The following RARB variants were observed in gnomAD, a reference collection of about 807,000 sequenced individuals.
RARB encodes retinoic acid receptor beta, also known as HBV-activated protein.
In RARB, 17 loss-of-function variants were observed where a neutral mutation model predicts 51.9. That is an observed-to-expected ratio of 0.33 (90% CI 0.22 to 0.49). The LOEUF (loss-of-function observed/expected upper bound fraction) is 0.49. Ranked by LOEUF, RARB falls within the 20% of genes least tolerant of loss-of-function variation. The probability of loss-of-function intolerance (pLI) is 0.99; values close to 1 mark genes in which losing one functional copy is unlikely to be tolerated. For synonymous variants in RARB, 215 were observed against 195.4 expected, an observed-to-expected ratio of 1.10 and a Z score of -0.84; for missense variants, 369 against 550.8, an observed-to-expected ratio of 0.67 and a Z score of 3.30.
At chr3:25,216,580 T>C (rs113855684) in intron 5 of RARB, among the ~76,000 whole-genome samples, 3,235 of 151,504 alleles carry the variant, frequency 0.021, 97 homozygotes, top group African/African-American at 0.073. Context: ...CCGGGGCCTA[T>C]TGGGGGGTGG....
At chr3:25,307,218 T>A (rs1248342790) in intron 5 of RARB, among the ~76,000 whole-genome samples, 1 of 152,010 alleles carries the variant, frequency 6.6e-6, no homozygotes. Flanking sequence ...AAACCCCGTC[T>A]CTACTAAAAA....
At chr3:25,548,805 G>A (rs1699727747) in intron 3 of RARB, among the ~76,000 whole-genome samples, 1 of 152,010 alleles carries the variant, frequency 6.6e-6, no homozygotes, top group African/African-American at 2.4e-5. Flanking sequence ...ACATTCCCAG[G>A]AGAAATACTA....
chr3:24,913,603 C>T (rs554109834), intron 2 of RARB, among the ~76,000 whole-genome samples: 1 of 152,186 alleles, frequency 6.6e-6, no homozygotes, highest in African/African-American at 2.4e-5. Flanking sequence ...TTGTATCTAT[C>T]TCAATTAGTG....
At chr3:25,316,996 T>G (rs1171563921) in intron 5 of RARB, among the ~76,000 whole-genome samples, 1 of 148,514 alleles carries the variant, frequency 6.7e-6, no homozygotes, top group Non-Finnish European at 1.5e-5. Context: ...CCCTCAGAAT[T>G]TGGTTTATGT....
chr3:25,099,617 A>T (rs1223183345), intron 3 of RARB, among the ~76,000 whole-genome samples: 1 of 2,480 alleles, frequency 4.0e-4, no homozygotes, highest in Non-Finnish European at 7.2e-4. Context: ...TCAGGATTTA[A>T]AAAAAAAAAA....
chr3:25,402,130 A>C (rs1480600676), intron 5 of RARB, among the ~76,000 whole-genome samples: 1 of 152,236 alleles, frequency 6.6e-6, no homozygotes, highest in Non-Finnish European at 1.5e-5. Flanking sequence ...GAGATAAAAA[A>C]GCAATTTTAA....
intron 2 of RARB, among the ~76,000 whole-genome samples, chr3:24,886,874 GGTCCACAATGTATAGACCATGT>G (rs1703278096): frequency 6.6e-6 from 1 of 152,148 alleles, no homozygotes; most frequent in African/African-American, 2.4e-5. Context: ...AAGCTTTTAG[GGTCCACAATGTATAGACCATGT>G]GTCTACAAAA....
intron 5 of RARB, among the ~76,000 whole-genome samples, chr3:25,335,495 T>C (rs1705037158): frequency 6.6e-6 from 1 of 152,246 alleles, no homozygotes; most frequent in Non-Finnish European, 1.5e-5. Context: ...TTCTGTCTCC[T>C]GCCTTGTGCA....
At position 24,836,567 on chromosome 3, in the gene RARB, C is replaced by G. The variant is rs189475691; in HGVS notation, c.-459+7164C>G. 8.7e-4 allele frequency among the ~76,000 whole-genome samples: 132 copies of G among 152,290 alleles called. 1 individual carries two copies. Among genetic ancestry groups the G allele is most frequent in the African/African-American group, 3.1e-3 (127 of 41,564 alleles). ...CAGCATCCTCCAAATGGCTTCCCATCTCACTCTTACTAGAAGCCCAAGACC... is the reference window on the plus strand; with the variant it reads ...CAGCATCCTCCAAATGGCTTCCCATGTCACTCTTACTAGAAGCCCAAGACC... On this transcript the variant is annotated intron_variant, in intron 1 of 11. Transcript: ENST00000383772.
At chr3:24,957,953 T>C (rs1286263071) in intron 2 of RARB, among the ~76,000 whole-genome samples, 1 of 152,132 alleles carries the variant, frequency 6.6e-6, no homozygotes, top group Non-Finnish European at 1.5e-5. Flanking sequence ...AGTTAGCAAA[T>C]AGGAGTTTTG....
chr3:24,879,473 A>G (rs775342281), intron 2 of RARB, among the ~76,000 whole-genome samples: 1 of 145,038 alleles, frequency 6.9e-6, no homozygotes, highest in Non-Finnish European at 1.5e-5. Context: ...GTTCCAGCAG[A>G]AAGGATCTCC....
At chr3:25,282,705 G>A (rs898566552) in intron 5 of RARB, among the ~76,000 whole-genome samples, 24 of 152,228 alleles carry the variant, frequency 1.6e-4, no homozygotes, top group African/African-American at 5.8e-4. Flanking sequence ...CTAGGCTTGT[G>A]AGTTCAAGGT....
chr3:25,494,253 G>GCACGCGCGCGCGCGCGCACACACACA (rs1553623182), intron 2 of RARB, among the ~76,000 whole-genome samples: 2 of 131,850 alleles, frequency 1.5e-5, no homozygotes, highest in African/African-American at 5.2e-5. Flanking sequence ...TGTATCTTAC[G>GCACGCGCGCGCGCGCGCACACACACA]CACACACACA....
At chr3:24,936,060 C>T (rs1695541854) in intron 2 of RARB, among the ~76,000 whole-genome samples, 1 of 152,082 alleles carries the variant, frequency 6.6e-6, no homozygotes, top group Non-Finnish European at 1.5e-5. Flanking sequence ...GGATCCAAAA[C>T]ATACCTTTTT....
chr3:25,093,241 A>G (rs993066856), intron 3 of RARB, among the ~76,000 whole-genome samples: 1 of 152,180 alleles, frequency 6.6e-6, no homozygotes, highest in Non-Finnish European at 1.5e-5. Context: ...TTCTCCTTTT[A>G]TACAAGTAGC....
chr3:24,932,430 G>A (rs1695460098), intron 2 of RARB, among the ~76,000 whole-genome samples: 1 of 151,928 alleles, frequency 6.6e-6, no homozygotes, highest in Admixed American at 6.6e-5. Flanking sequence ...TACTAGAGTC[G>A]TTTACATTGC....
chr3:24,924,903 C>T (rs970024542), intron 2 of RARB, among the ~76,000 whole-genome samples: 2 of 152,078 alleles, frequency 1.3e-5, no homozygotes, highest in Non-Finnish European at 2.9e-5. Context: ...ATTTGAATTG[C>T]TTAAGATGAT....
chr3:24,982,350 C>T (rs1420626769), intron 2 of RARB, among the ~76,000 whole-genome samples: 2 of 152,210 alleles, frequency 1.3e-5, no homozygotes, highest in Non-Finnish European at 1.5e-5. Flanking sequence ...TACATCTTTT[C>T]TCAGAGTGTA....
chr3:24,983,501 A>G lies in RARB; in HGVS notation c.-379-76624A>G, dbSNP rs538963485. Among the ~76,000 whole-genome samples the G allele has an allele frequency of 3.7e-3, 563 of 152,176 alleles. 4 individuals are homozygous for G. The highest frequency in any genetic ancestry group is 0.011 in the African/African-American group (437 of 41,526). On this transcript the variant is annotated intron_variant, in intron 2 of 11. Coordinates refer to the RARB transcript ENST00000383772. Reference sequence around the variant, plus strand: ...CATCTAGGTTTTAAGCCCTACATGCATTAGTATTTGTCCTAATGCTCTCCC... The same window carrying G: ...CATCTAGGTTTTAAGCCCTACATGCGTTAGTATTTGTCCTAATGCTCTCCC...
Sources: allele counts gnomAD v4.1 joint callset (sites outside exome capture counted in the v4.1 genomes callset), GRCh38; gene constraint gnomAD v4.1.1; transcripts MANE v1.5; gene names NCBI Gene and HGNC (gene_info 2026-07-23, HGNC 2026-07-21).